Variants in ARHGAP18 observed in about 807,000 individuals in gnomAD.
The protein encoded by ARHGAP18 is Rho GTPase activating protein 18.
Under a neutral mutation model 86.2 loss-of-function variants are expected in ARHGAP18, and 67 were observed. That is an observed-to-expected ratio of 0.78 (90% CI 0.64 to 0.95). The LOEUF is 0.95. Among genes scored for constraint, ARHGAP18 ranks in the 40% least tolerant of loss-of-function variants. The pLI is 0.00. For missense variants in ARHGAP18, 691 were observed against 780.4 expected (o/e 0.89, Z 1.37); for synonymous variants, 283 against 280.4 (o/e 1.01, Z -0.09).
chr6:129,629,224 T>C, intron 5 of ARHGAP18, 129 bp downstream of exon 5: 1 of 825,588 alleles, frequency 1.2e-6, no homozygotes, highest in Non-Finnish European at 1.7e-6. Flanking sequence ...TCTTTCTCTC[T>C]GTCTGTCTGT....
intron 12 of ARHGAP18, among the ~76,000 whole-genome samples, chr6:129,592,881 CAT>C (rs952099265): frequency 1.8e-4 from 28 of 152,182 alleles, no homozygotes; most frequent in African/African-American, 6.7e-4. Flanking sequence ...AAGGAAAAAA[CAT>C]GTGGGAGACA....
intron 10 of ARHGAP18, 61 bp downstream of exon 10, chr6:129,605,816 A>G (rs1256543088): frequency 6.9e-7 from 1 of 1,458,622 alleles, no homozygotes; most frequent in African/African-American, 1.4e-5. Flanking sequence ...TTTGCCACAA[A>G]TAATGAAAAA....
chr6:129,607,560 G>A lies in ARHGAP18; in HGVS notation c.1282+333C>T, dbSNP rs75331965. Reference sequence around the variant, plus strand: ...AGTGTTGCTTTTTAACACTTGGCAAGAAAATTGTATCAGAGATCTTATGTG... The same window carrying A: ...AGTGTTGCTTTTTAACACTTGGCAAAAAAATTGTATCAGAGATCTTATGTG... On this transcript the variant is annotated intron_variant, in intron 9 of 14. Transcript: ENST00000368149. 1.2e-4 allele frequency among the ~76,000 whole-genome samples: 19 copies of A among 152,226 alleles called. No individual in the cohort carries two copies. The East Asian group carries it at 3.7e-3, about 29-fold the overall frequency.
At chr6:129,699,442 A>G (rs937486732) in intron 1 of ARHGAP18, among the ~76,000 whole-genome samples, 6 of 152,224 alleles carry the variant, frequency 3.9e-5, no homozygotes, top group African/African-American at 1.4e-4. Flanking sequence ...AGAGGCAACA[A>G]AGAAACAACA....
At chr6:129,628,837 G>T (rs1010369688) in intron 5 of ARHGAP18, among the ~76,000 whole-genome samples, 1 of 152,044 alleles carries the variant, frequency 6.6e-6, no homozygotes, top group Non-Finnish European at 1.5e-5. Flanking sequence ...AAAGAGAGAA[G>T]CTATAAAGAA....
At chr6:129,669,490 A>C (rs1774104744) in intron 1 of ARHGAP18, among the ~76,000 whole-genome samples, 1 of 149,630 alleles carries the variant, frequency 6.7e-6, no homozygotes, top group Non-Finnish European at 1.5e-5. Context: ...CACTTTTTAA[A>C]GTCAGGAAAA....
In ARHGAP18 at chr6:129,659,153, T is replaced by A. The variant is rs1316898073; in HGVS notation, c.114-17135A>T. On this transcript the variant is annotated intron_variant, in intron 1 of 14. Transcript: ENST00000368149. Reference sequence around the variant, plus strand: ...ATCCTGCACATAATTTGCACTTCCATCATAACTAAATTTGGAGCAGACAGT... The same window carrying A: ...ATCCTGCACATAATTTGCACTTCCAACATAACTAAATTTGGAGCAGACAGT... Among the ~76,000 whole-genome samples, 4 of 152,202 alleles carry A rather than the reference T, an allele frequency of 2.6e-5. No homozygotes were observed. In the East Asian group the frequency reaches 7.7e-4, roughly 29 times the overall value.
intron 13 of ARHGAP18, 29 bp downstream of exon 13, chr6:129,583,959 G>C (rs375645503): frequency 1.9e-6 from 3 of 1,607,678 alleles, no homozygotes; most frequent in Non-Finnish European, 2.5e-6. Context: ...CTTATGCCAT[G>C]GCATAATTAA....
chr6:129,613,026 G>T (rs1246103559), intron 7 of ARHGAP18, among the ~76,000 whole-genome samples: 1 of 152,064 alleles, frequency 6.6e-6, no homozygotes, highest in African/African-American at 2.4e-5. Context: ...AAGGTCAGGA[G>T]ATCGAGACCA....
chr6:129,670,817 T>A (rs1406314939), intron 1 of ARHGAP18, among the ~76,000 whole-genome samples: 1 of 150,158 alleles, frequency 6.7e-6, no homozygotes, highest in Non-Finnish European at 1.5e-5. Flanking sequence ...GGAACCCAGC[T>A]CCCCGTCAAG....
intron 1 of ARHGAP18, among the ~76,000 whole-genome samples, chr6:129,684,635 C>T (rs143737753): frequency 3.3e-5 from 5 of 152,266 alleles, no homozygotes; most frequent in East Asian, 1.9e-4. Flanking sequence ...ATGGAGCCTG[C>T]GGCACACAGA....
At chr6:129,667,047 A>G (rs1774052944) in intron 1 of ARHGAP18, among the ~76,000 whole-genome samples, 1 of 152,178 alleles carries the variant, frequency 6.6e-6, no homozygotes, top group Non-Finnish European at 1.5e-5. Context: ...TAATCAGTCA[A>G]TATTGTTTCA....
At chr6:129,660,634 C>G (rs1327888380) in intron 1 of ARHGAP18, among the ~76,000 whole-genome samples, 6 of 152,146 alleles carry the variant, frequency 3.9e-5, no homozygotes, top group African/African-American at 1.4e-4. Context: ...GCCAAAAAGG[C>G]AGAATCTTAG....
chr6:129,616,365 TG>T (rs1190298215), intron 6 of ARHGAP18, 62 bp from the exon 7 acceptor site: 3 of 1,315,698 alleles, frequency 2.3e-6, no homozygotes, highest in Non-Finnish European at 3.2e-6. Context: ...AATATAAAAA[TG>T]TTAAAGCATA....
intron 10 of ARHGAP18, 45 bp downstream of exon 10, chr6:129,605,832 G>T (rs754197495): frequency 2.0e-6 from 3 of 1,512,772 alleles, no homozygotes; most frequent in Non-Finnish European, 2.8e-6. Flanking sequence ...AAAAATTACT[G>T]TGCTTACTTC....
chr6:129,692,954 T>C (rs1382356726), intron 1 of ARHGAP18, among the ~76,000 whole-genome samples: 11 of 152,190 alleles, frequency 7.2e-5, no homozygotes, highest in Non-Finnish European at 1.6e-4. Context: ...CATCACCTTC[T>C]CAAATATCCA....
At chr6:129,655,043 G>A (rs775330195) in intron 1 of ARHGAP18, among the ~76,000 whole-genome samples, 3 of 152,112 alleles carry the variant, frequency 2.0e-5, no homozygotes, top group East Asian at 1.9e-4. Flanking sequence ...AGGCTCGGCC[G>A]GGTGCGGTGG....
intron 3 of ARHGAP18, 125 bp from the exon 4 acceptor site, chr6:129,634,230 T>A: frequency 2.8e-6 from 2 of 707,646 alleles, no homozygotes; most frequent in Middle Eastern, 2.6e-4. Context: ...ACAATCACAG[T>A]GAAAAAGGGG....
intron 1 of ARHGAP18, among the ~76,000 whole-genome samples, chr6:129,647,679 A>C (rs1457350092): frequency 6.6e-6 from 1 of 151,970 alleles, no homozygotes; most frequent in Non-Finnish European, 1.5e-5. Flanking sequence ...TGTGTAAAAA[A>C]AAAAAAGGCA....
Sources: allele counts gnomAD v4.1 joint callset (sites outside exome capture counted in the v4.1 genomes callset), GRCh38; gene constraint gnomAD v4.1.1; transcripts MANE v1.5; gene names NCBI Gene and HGNC (gene_info 2026-07-23, HGNC 2026-07-21).